The following GRK5 variants were observed in gnomAD, a reference collection of about 807,000 sequenced individuals.
The protein encoded by GRK5 is G protein-coupled receptor kinase 5.
In GRK5, 40 loss-of-function variants were observed where a neutral mutation model predicts 78.4. The ratio of observed to expected loss-of-function variants is 0.51; its 90% CI spans 0.40 to 0.66. The LOEUF (loss-of-function observed/expected upper bound fraction) is 0.66. Among genes scored for constraint, GRK5 ranks in the 30% least tolerant of loss-of-function variants. GRK5 has a pLI of 0.00. For synonymous variants in GRK5, 289 were observed against 296.8 expected, an observed-to-expected ratio of 0.97 and a Z score of 0.27; for missense variants, 598 against 759.9, an observed-to-expected ratio of 0.79 and a Z score of 2.50.
chr10:119,288,501 G>T (rs980832862), intron 1 of GRK5, among the ~76,000 whole-genome samples: 1 of 152,174 alleles, frequency 6.6e-6, no homozygotes, highest in Admixed American at 6.5e-5. Flanking sequence ...GGGTTCTTTA[G>T]CTACTGCTGA....
rs1853438239 is a variant in GRK5, at chr10:119,458,684, A to T, written c.*3617A>T. ...TCAGAGCCCAGGTGAGCCCCTGAGGATACCGAGGCCTTCCCTCCCTGAGGC... is the reference window on the plus strand; with the variant it reads ...TCAGAGCCCAGGTGAGCCCCTGAGGTTACCGAGGCCTTCCCTCCCTGAGGC... On this transcript the variant is annotated 3_prime_UTR_variant, in exon 16 of 16. Transcript: ENST00000392870. The T allele has an allele frequency of 6.6e-6, 1 of 152,248 alleles. No individual in the cohort carries two copies. The highest frequency in any genetic ancestry group is 6.5e-5 in the Admixed American group (1 of 15,268). The allele number at this position is 152,248 out of a possible 1,614,324, so 9.4% of individuals were successfully genotyped here.
Position 119,387,864 on chromosome 10 carries a change from G to A in GRK5, c.261+6937G>A, listed in dbSNP as rs1851826526. Among the ~76,000 whole-genome samples the A allele has an allele frequency of 2.0e-5, 3 of 152,274 alleles. No individual in the cohort carries two copies. The South Asian group carries it at 6.2e-4, about 32-fold the overall frequency. On this transcript the variant is annotated intron_variant, in intron 3 of 15. Transcript: ENST00000392870. ...CTGTGTGCCAGGCTCTGTTCTAGCA[G>A]TTGGGAGAACACAATGAACAGGAGA...
intron 2 of GRK5, among the ~76,000 whole-genome samples, chr10:119,339,923 A>G (rs1355333669): frequency 1.3e-5 from 2 of 152,128 alleles, no homozygotes; most frequent in African/African-American, 4.8e-5. Context: ...ACCAACAACC[A>G]AAGAACAACA....
intron 1 of GRK5, among the ~76,000 whole-genome samples, chr10:119,303,867 C>T (rs1850228232): frequency 6.6e-6 from 1 of 152,032 alleles, no homozygotes; most frequent in Non-Finnish European, 1.5e-5. Flanking sequence ...AGGACCCCAG[C>T]CGTCCCTTGG....
chr10:119,368,829 A>G (rs936446004), intron 2 of GRK5, among the ~76,000 whole-genome samples: 5 of 152,226 alleles, frequency 3.3e-5, no homozygotes, highest in Admixed American at 2.0e-4. Flanking sequence ...CCAGGGAGCC[A>G]TGCTGACCCT....
intron 1 of GRK5, among the ~76,000 whole-genome samples, chr10:119,287,566 GT>G (rs1482719940): frequency 6.6e-6 from 1 of 152,182 alleles, no homozygotes; most frequent in African/African-American, 2.4e-5. Context: ...AAAAATGCCT[GT>G]TTTCACTCTG....
chr10:119,397,744 GTTC>G (rs1852080575), intron 4 of GRK5, among the ~76,000 whole-genome samples: 7 of 152,326 alleles, frequency 4.6e-5, no homozygotes, highest in Admixed American at 3.9e-4. Flanking sequence ...TGTAGCCCTC[GTTC>G]TTCTCCAGCA....
rs1466279234 is a variant in GRK5, at chr10:119,457,882, G to T, written c.*2815G>T. 6.6e-6 allele frequency: 1 copy of T among 151,088 alleles called. No individual in the cohort carries two copies. Among genetic ancestry groups the T allele is most frequent in the African/African-American group, 2.4e-5 (1 of 41,054 alleles). 9.4% of individuals were successfully genotyped at this position (151,088 alleles called of 1,614,324 possible). A position where few individuals can be genotyped will look rare whatever the true frequency, so the allele number is the denominator to read the frequency against. ...TTAAAATTTTTTGTAGAGATGGGGG[G>T]GGGGTCTCCCCATGTTGCCCAGGCT... On this transcript the variant is annotated 3_prime_UTR_variant, in exon 16 of 16. Transcript: ENST00000392870.
At chr10:119,357,822 A>G (rs1023207188) in intron 2 of GRK5, among the ~76,000 whole-genome samples, 2 of 140,352 alleles carry the variant, frequency 1.4e-5, no homozygotes, top group African/African-American at 5.2e-5. Flanking sequence ...CTTCTCCAAC[A>G]TTAGCCATGC....
intron 6 of GRK5, among the ~76,000 whole-genome samples, chr10:119,427,024 C>T (rs1852696949): frequency 6.6e-6 from 1 of 152,136 alleles, no homozygotes; most frequent in Non-Finnish European, 1.5e-5. Context: ...TCAGCAGCAT[C>T]ACAGCCATCA....
chr10:119,397,889 C>A (rs1161503732), intron 4 of GRK5, among the ~76,000 whole-genome samples: 1 of 152,262 alleles, frequency 6.6e-6, no homozygotes, highest in Non-Finnish European at 1.5e-5. Context: ...GTCGCCATCA[C>A]CTTGTTGCCT....
chr10:119,221,485 G>C (rs549486227), intron 1 of GRK5, among the ~76,000 whole-genome samples: 1 of 152,120 alleles, frequency 6.6e-6, no homozygotes, highest in African/African-American at 2.4e-5. Flanking sequence ...TGGAATGCTG[G>C]GTATGTTCTA....
At chr10:119,266,958 G>C (rs190180795) in intron 1 of GRK5, among the ~76,000 whole-genome samples, 1 of 152,002 alleles carries the variant, frequency 6.6e-6, no homozygotes, top group South Asian at 2.1e-4. Flanking sequence ...AATTATTTTT[G>C]TAGGGCTGGG....
At chr10:119,444,395 G>A (rs140788374) in intron 12 of GRK5, among the ~76,000 whole-genome samples, 1 of 152,262 alleles carries the variant, frequency 6.6e-6, no homozygotes, top group Non-Finnish European at 1.5e-5. Context: ...TGGGGGATAT[G>A]GGAGTGGAGT....
intron 1 of GRK5, among the ~76,000 whole-genome samples, chr10:119,308,967 AGGGCCTGTCTG>A (rs1410198749): frequency 6.6e-6 from 1 of 152,194 alleles, no homozygotes; most frequent in African/African-American, 2.4e-5. Flanking sequence ...AGATCTTCCC[AGGGCCTGTCTG>A]GGAGCTCCCT....
intron 1 of GRK5, among the ~76,000 whole-genome samples, chr10:119,226,380 C>T (rs552256032): frequency 6.3e-4 from 91 of 143,544 alleles, no homozygotes; most frequent in African/African-American, 2.2e-3. Flanking sequence ...GGAGCAATCT[C>T]GGCCCACTGC....
intron 1 of GRK5, among the ~76,000 whole-genome samples, chr10:119,320,834 G>A (rs181642979): frequency 1.2e-4 from 18 of 152,380 alleles, no homozygotes; most frequent in Middle Eastern, 3.4e-3. Flanking sequence ...TGAGCACGGG[G>A]GAGGTGGGAG....
intron 2 of GRK5, among the ~76,000 whole-genome samples, chr10:119,348,790 A>G (rs1231552562): frequency 6.6e-6 from 1 of 152,172 alleles, no homozygotes; most frequent in Non-Finnish European, 1.5e-5. Context: ...CAGGTGTCCC[A>G]AGTTTGAGCA....
chr10:119,414,168 G>A (rs1055100566), intron 4 of GRK5, among the ~76,000 whole-genome samples: 1 of 152,188 alleles, frequency 6.6e-6, no homozygotes. Flanking sequence ...TCCACGTTGG[G>A]AAATTGCAAA....
Sources: allele counts gnomAD v4.1 joint callset (sites outside exome capture counted in the v4.1 genomes callset), GRCh38; gene constraint gnomAD v4.1.1; transcripts MANE v1.5; gene names NCBI Gene and HGNC (gene_info 2026-07-23, HGNC 2026-07-21).